CPM: variants seen among roughly 807,000 people sequenced by gnomAD.
CPM encodes carboxypeptidase M.
Under a neutral mutation model 46.4 loss-of-function variants are expected in CPM, and 35 were observed. The observed-to-expected ratio is 0.75, with a 90% CI of 0.58 to 1.00. The LOEUF (loss-of-function observed/expected upper bound fraction) is 1.00, where lower values mean the gene tolerates loss of function less well. CPM is among the 50% of genes least tolerant of loss of function. The probability of loss-of-function intolerance (pLI) is 0.00; values close to 1 mark genes in which losing one functional copy is unlikely to be tolerated. For missense variants in CPM, 422 were observed against 530.4 expected (o/e 0.80, Z 2.01); for synonymous variants, 195 against 195.3 (o/e 1.00, Z 0.01).
intron 2 of CPM, among the ~76,000 whole-genome samples, chr12:68,894,090 G>C (rs1886768692): frequency 6.6e-6 from 1 of 152,002 alleles, no homozygotes; most frequent in Non-Finnish European, 1.5e-5. Context: ...CCACCCCTTG[G>C]CTGCACCACC....
At chr12:68,864,217 G>A (rs1592637438) in intron 7 of CPM, among the ~76,000 whole-genome samples, 2 of 152,322 alleles carry the variant, frequency 1.3e-5, no homozygotes, top group East Asian at 1.9e-4. Context: ...GGCCGAGGCC[G>A]GCGGATCACC....
At chr12:68,859,180 T>C (rs1885105759) in intron 7 of CPM, 109 bp from the exon 8 acceptor site, 1 of 576,008 alleles carries the variant, frequency 1.7e-6, no homozygotes, top group East Asian at 3.6e-5. Context: ...TAACTCAATG[T>C]TGTGAGTTAA....
At chr12:68,899,834 A>G (rs556947569) in intron 2 of CPM, among the ~76,000 whole-genome samples, 1 of 152,344 alleles carries the variant, frequency 6.6e-6, no homozygotes, top group South Asian at 2.1e-4. Context: ...ATTAGGCAGT[A>G]AGAAGTCATG....
rs1884962276 is a variant in CPM at position 68,856,223 on chromosome 12, A to C, written c.*214T>G. 1 of 562,162 alleles carries C rather than the reference A, an allele frequency of 1.8e-6. No individual in the cohort carries two copies. The highest frequency in any genetic ancestry group is 3.1e-6 in the Non-Finnish European group (1 of 320,434). The allele number at this position is 562,162 out of a possible 1,614,324, so 34.8% of individuals were successfully genotyped here. ...GTAAATGAGCAGTACTTGTTAGGTA[A>C]GTGTCTTCCATTCACCGTCAAGACT... On this transcript the variant is annotated 3_prime_UTR_variant, in exon 9 of 9. Coordinates refer to ENST00000551568, the MANE Select transcript of CPM (RefSeq NM_198320.5).
At chr12:68,858,776 C>A in intron 8 of CPM, 147 bp downstream of exon 8, 1 of 411,144 alleles carries the variant, frequency 2.4e-6, no homozygotes, top group East Asian at 3.8e-5. Context: ...CCACCTCCTG[C>A]CAATTGCAAG....
chr12:68,884,962 T>C (rs892794434), intron 3 of CPM, among the ~76,000 whole-genome samples: 4 of 152,136 alleles, frequency 2.6e-5, no homozygotes, highest in African/African-American at 9.7e-5. Flanking sequence ...TTTGTTTTTT[T>C]AGATGGAGTC....
At position 68,897,287 on chromosome 12, in the gene CPM, C is replaced by G. The variant is rs1466720823; in HGVS notation, c.161-11398G>C. ...CCCCTTTAGGTTTTTTTTTTTTTTT[C>G]CTCCATATAGCTACAGGAAACTTGT... On this transcript the variant is annotated intron_variant, in intron 2 of 8. Coordinates refer to ENST00000551568, the MANE Select transcript of CPM (RefSeq NM_198320.5). 2.9e-5 allele frequency among the ~76,000 whole-genome samples: 4 copies of G among 137,462 alleles called. No homozygotes were observed. In the East Asian group the frequency reaches 8.3e-4, roughly 29 times the overall value. The allele number at this position is 137,462 out of a possible 152,430, so 90.2% of individuals were successfully genotyped here. A position where few individuals can be genotyped will look rare whatever the true frequency, so the allele number is the denominator to read the frequency against.
At chr12:68,881,339 C>A (rs1466848538) in intron 3 of CPM, among the ~76,000 whole-genome samples, 1 of 152,176 alleles carries the variant, frequency 6.6e-6, no homozygotes, top group African/African-American at 2.4e-5. Context: ...ACTGATTGGG[C>A]TCTTTATCAA....
intron 1 of CPM, among the ~76,000 whole-genome samples, chr12:68,954,215 T>A (rs1389558158): frequency 6.6e-6 from 1 of 152,232 alleles, no homozygotes; most frequent in African/African-American, 2.4e-5. Context: ...TAAAAACTTT[T>A]AAGAACATCA....
At chr12:68,881,039 T>C (rs1886167020) in intron 3 of CPM, among the ~76,000 whole-genome samples, 1 of 152,210 alleles carries the variant, frequency 6.6e-6, no homozygotes, top group South Asian at 2.1e-4. Context: ...TTTACTTATT[T>C]TGTAACAATA....
chr12:68,943,678 C>T (rs1888798750), intron 1 of CPM, among the ~76,000 whole-genome samples: 1 of 152,222 alleles, frequency 6.6e-6, no homozygotes. Flanking sequence ...AGCTTCTTGG[C>T]TCTAATAAGG....
At chr12:68,931,568 C>T (rs972683810) in intron 2 of CPM, among the ~76,000 whole-genome samples, 1 of 151,588 alleles carries the variant, frequency 6.6e-6, no homozygotes, top group Non-Finnish European at 1.5e-5. Flanking sequence ...TATGGTGAAA[C>T]CCCATCTCTA....
intron 1 of CPM, among the ~76,000 whole-genome samples, chr12:68,944,637 T>A (rs549473517): frequency 6.6e-6 from 1 of 152,132 alleles, no homozygotes; most frequent in South Asian, 2.1e-4. Flanking sequence ...TGGCTTCAAG[T>A]CATCCGCCCA....
In CPM at chr12:68,870,242, T is replaced by C; in HGVS notation, c.589A>G (p.Ser197Gly). The change falls in exon 5 of 9, where the codon AGT (serine) becomes GGT (glycine). Residue 197 changes from serine (S) to glycine (G), a missense_variant. Ser to Gly is a moderately conservative substitution (Grantham distance 56). Transcript: ENST00000551568. ...ANLHGGALVASYPFDNGVQAT... is the reference protein window; with the variant it reads ...ANLHGGALVAGYPFDNGVQAT... ...TGAACACCATTATCAAATGGGTAAC[T>C]GGCCACGAGGGCACCACCATGGAGG... The C allele has an allele frequency of 6.2e-7, 1 of 1,613,958 alleles. No homozygotes were observed. The highest frequency in any genetic ancestry group is 1.3e-5 in the African/African-American group (1 of 75,038).
chr12:68,963,249 G>A lies in CPM; in HGVS notation c.-84C>T, dbSNP rs116180821. 3.9e-3 allele frequency: 779 copies of A among 199,072 alleles called. 6 individuals are homozygous for A. Among genetic ancestry groups the A allele is most frequent in the African/African-American group, 0.017 (733 of 42,530 alleles). The allele number at this position is 199,072 out of a possible 1,614,324, so 12.3% of individuals were successfully genotyped here. ...GCAGAAGGAAGAAATGCTGCTCAGA[G>A]AGGCCAAGAAGAATCTAGACAGACA... On this transcript the variant is annotated 5_prime_UTR_variant, in exon 1 of 9. Coordinates refer to the CPM transcript ENST00000546373.
chr12:68,913,780 G>C, intron 2 of CPM: 1 of 559,722 alleles, frequency 1.8e-6, no homozygotes, highest in Non-Finnish European at 3.4e-6. Context: ...ATCCCATGCG[G>C]AAACCCAGTG....
chr12:68,957,489 A>G (rs568799050), intron 1 of CPM: 2 of 253,088 alleles, frequency 7.9e-6, no homozygotes, highest in South Asian at 1.1e-4. Context: ...GTTGAGAAAT[A>G]CAGCTCCAGT....
rs1311334260 is a variant in CPM, at chr12:68,895,207, C to T, written c.161-9318G>A. Among the ~76,000 whole-genome samples, 5 of 152,164 alleles carry T rather than the reference C, an allele frequency of 3.3e-5. No homozygotes were observed. In the East Asian group the frequency reaches 9.7e-4, roughly 29 times the overall value. ...GTGGGTTGTATTATTGGTTGCCCAA[C>T]ATCTGGTGCCCTAATGAACTCAGGC... On this transcript the variant is annotated intron_variant, in intron 2 of 8. Transcript: ENST00000551568.
At chr12:68,906,772 G>T (rs993387238) in intron 2 of CPM, among the ~76,000 whole-genome samples, 6 of 152,206 alleles carry the variant, frequency 3.9e-5, no homozygotes, top group African/African-American at 1.4e-4. Context: ...CGCCACTGTG[G>T]ATTTTCATAA....
Sources: gnomAD v4.1 joint callset for allele counts (sites outside exome capture counted in the v4.1 genomes callset) on GRCh38, gnomAD v4.1.1 for gene constraint, MANE v1.5 for transcripts, NCBI Gene and HGNC (gene_info 2026-07-23, HGNC 2026-07-21) for gene names.